Variants in AGAP1 observed in about 807,000 individuals in gnomAD.
The protein encoded by AGAP1 is arf-GAP with GTPase, ANK repeat and PH domain-containing protein 1.
AGAP1 carries 29 observed loss-of-function variants against 105.3 expected under a neutral mutation model. The ratio of observed to expected loss-of-function variants is 0.28; its 90% CI spans 0.21 to 0.38. The LOEUF (loss-of-function observed/expected upper bound fraction) is 0.38, where lower values mean the gene tolerates loss of function less well. Among genes scored for constraint, AGAP1 ranks in the 10% least tolerant of loss-of-function variants. The probability of loss-of-function intolerance (pLI) is 1.00; values close to 1 mark genes in which losing one functional copy is unlikely to be tolerated. For missense variants in AGAP1, 998 were observed against 1,165.1 expected, an observed-to-expected ratio of 0.86 and a Z score of 2.09; for synonymous variants, 509 against 485.9, an observed-to-expected ratio of 1.05 and a Z score of -0.63.
intron 1 of AGAP1, among the ~76,000 whole-genome samples, chr2:235,528,318 C>T (rs1306349098): frequency 2.0e-5 from 3 of 151,966 alleles, no homozygotes; most frequent in Admixed American, 6.6e-5. Context: ...CCAGCAAGCC[C>T]GGCTCCATCC....
intron 16 of AGAP1, among the ~76,000 whole-genome samples, chr2:236,066,223 T>C (rs2058341470): frequency 6.6e-6 from 1 of 152,190 alleles, no homozygotes; most frequent in Non-Finnish European, 1.5e-5. Context: ...TTTTGTTTTT[T>C]ATTGTTTTTG....
At chr2:235,869,638 A>G (rs2049345638) in intron 9 of AGAP1, among the ~76,000 whole-genome samples, 1 of 152,152 alleles carries the variant, frequency 6.6e-6, no homozygotes. Flanking sequence ...ATTGTTTATC[A>G]TGATTCTGTG....
At chr2:235,840,768 G>GTTT (rs11373301) in intron 9 of AGAP1, among the ~76,000 whole-genome samples, 12 of 146,644 alleles carry the variant, frequency 8.2e-5, no homozygotes, top group Admixed American at 2.0e-4. Flanking sequence ...AGAAAGAAGA[G>GTTT]TTTTTTTTTT....
rs1445637788 is a variant in AGAP1 at position 235,919,650 on chromosome 2, G to A, written c.1324+10744G>A. On this transcript the variant is annotated intron_variant, in intron 11 of 17. Transcript: ENST00000304032. This position sits in a 1 kb window ranked among gnomAD's most constrained non-coding sequence, Gnocchi z 4.1. Reference sequence around the variant, plus strand: ...GAAGGGGACTGTAAAATTCAGAGATGACCGGGGAACGCTCCCCTCAAAACA... The same window carrying A: ...GAAGGGGACTGTAAAATTCAGAGATAACCGGGGAACGCTCCCCTCAAAACA... Among the ~76,000 whole-genome samples, 1 of 152,160 alleles carries A rather than the reference G, an allele frequency of 6.6e-6. No individual in the cohort carries two copies. The highest frequency in any genetic ancestry group is 1.5e-5 in the Non-Finnish European group (1 of 68,028).
chr2:235,618,648 A>C (rs1946381221), intron 1 of AGAP1, among the ~76,000 whole-genome samples: 1 of 152,246 alleles, frequency 6.6e-6, no homozygotes, highest in Non-Finnish European at 1.5e-5. Context: ...AAAGCTTAAA[A>C]TTACAAGACT....
Position 235,621,895 on chromosome 2 carries a change from G to A in AGAP1, c.164-87284G>A, listed in dbSNP as rs1376118906. On this transcript the variant is annotated intron_variant, in intron 1 of 17. Transcript: ENST00000304032. This position sits in a 1 kb window ranked among gnomAD's most constrained non-coding sequence, Gnocchi z 4.1. The stretch of plus-strand genomic sequence containing the variant: ...AGGGGTGCGATCGGAAGGGAGTGCC[G>A]CGCAGACCCCCCCACCCCCTCAGAA... Among the ~76,000 whole-genome samples, 4 of 128,000 alleles carry A rather than the reference G, an allele frequency of 3.1e-5. No individual in the cohort carries two copies. The highest frequency in any genetic ancestry group is 3.0e-4 in the South Asian group (1 of 3,344). The allele number at this position is 128,000 out of a possible 152,430, so 84.0% of individuals were successfully genotyped here.
intron 1 of AGAP1, among the ~76,000 whole-genome samples, chr2:235,515,738 G>A (rs3795897): frequency 0.16 from 24,886 of 152,232 alleles, 2,306 homozygotes; most frequent in East Asian, 0.27. Context: ...CCTGTAAGAT[G>A]TGCAGATATA....
Position 235,737,812 on chromosome 2 carries a change from C to T in AGAP1, c.311-3151C>T, listed in dbSNP as rs772268536. Among the ~76,000 whole-genome samples, 87 of 152,086 alleles carry T rather than the reference C, an allele frequency of 5.7e-4. 1 individual carries two copies. The highest frequency in any genetic ancestry group is 2.0e-3 in the Admixed American group (31 of 15,268). On this transcript the variant is annotated intron_variant, in intron 3 of 17. Coordinates refer to ENST00000304032, the MANE Select transcript of AGAP1 (RefSeq NM_001037131.3). The surrounding 1 kb of genome is among the most constrained non-coding windows in gnomAD (Gnocchi z 4.5). ...GCCCCTGGGACAGGCTCCACTCCTC[C>T]CTTCTTGCTCTGGAGGTGACACAGT...
chr2:235,515,313 G>A (rs1204068819), intron 1 of AGAP1, among the ~76,000 whole-genome samples: 2 of 152,182 alleles, frequency 1.3e-5, no homozygotes, highest in African/African-American at 4.8e-5. Context: ...TGTATTTAGG[G>A]CACTGCTTGG....
intron 9 of AGAP1, among the ~76,000 whole-genome samples, chr2:235,827,347 G>A (rs1559534638): frequency 1.3e-5 from 2 of 152,156 alleles, no homozygotes; most frequent in Admixed American, 1.3e-4. Flanking sequence ...ACAGGGCACA[G>A]CTCCTGACCC....
chr2:236,035,623 C>A lies in AGAP1; in HGVS notation c.1646-938C>A, dbSNP rs1385328583. On this transcript the variant is annotated intron_variant, in intron 13 of 17. Transcript: ENST00000304032. This position sits in a 1 kb window ranked among gnomAD's most constrained non-coding sequence, Gnocchi z 4.2. ...TGGACAACAAAGTGGGACTCCATCT[C>A]AAAAACAGTTCTTCGTGGTTGTATG... Among the ~76,000 whole-genome samples, 4 of 152,150 alleles carry A rather than the reference C, an allele frequency of 2.6e-5. No individual in the cohort carries two copies. The highest frequency in any genetic ancestry group is 4.4e-5 in the Non-Finnish European group (3 of 68,022).
At chr2:236,057,384 C>T (rs796527073) in intron 16 of AGAP1, among the ~76,000 whole-genome samples, 1 of 152,246 alleles carries the variant, frequency 6.6e-6, no homozygotes, top group African/African-American at 2.4e-5. Flanking sequence ...GCTGGGATTA[C>T]AGGCATGAGC....
intron 13 of AGAP1, among the ~76,000 whole-genome samples, chr2:236,017,773 T>C (rs1158407987): frequency 3.9e-5 from 6 of 152,214 alleles, no homozygotes; most frequent in African/African-American, 7.2e-5. Context: ...TCTTCCGGCC[T>C]CTGGACCACA....
intron 1 of AGAP1, among the ~76,000 whole-genome samples, chr2:235,647,225 A>T (rs545856727): frequency 4.6e-5 from 7 of 152,184 alleles, no homozygotes; most frequent in African/African-American, 1.7e-4. Flanking sequence ...TCTGGTCACA[A>T]CTGCATGCAA....
rs531168124 is a variant in AGAP1 at position 235,728,828 on chromosome 2, C to T, written c.310+11184C>T. 6.6e-5 allele frequency among the ~76,000 whole-genome samples: 10 copies of T among 152,158 alleles called. No homozygotes were observed. The South Asian group carries it at 2.1e-3, about 32-fold the overall frequency. Reference sequence around the variant, plus strand: ...AGGGGAAGCCAGCCTGCAGCATTGCCCTCTAGACACTAAGAAGAAGGGAGT... The same window carrying T: ...AGGGGAAGCCAGCCTGCAGCATTGCTCTCTAGACACTAAGAAGAAGGGAGT... On this transcript the variant is annotated intron_variant, in intron 3 of 17. Coordinates refer to ENST00000304032, the MANE Select transcript of AGAP1 (RefSeq NM_001037131.3). The surrounding 1 kb of genome is among the most constrained non-coding windows in gnomAD (Gnocchi z 4.3).
intron 1 of AGAP1, among the ~76,000 whole-genome samples, chr2:235,544,785 C>CT (rs1427878670): frequency 6.6e-6 from 1 of 152,170 alleles, no homozygotes; most frequent in Non-Finnish European, 1.5e-5. Flanking sequence ...GATGTAAAAT[C>CT]TGTCTTCCTA....
chr2:235,702,493 C>G (rs1010706666), intron 1 of AGAP1, among the ~76,000 whole-genome samples: 1 of 152,190 alleles, frequency 6.6e-6, no homozygotes, highest in Non-Finnish European at 1.5e-5. Context: ...TCTGAAAGTT[C>G]TCTTCCTTGA....
At chr2:236,065,329 C>T (rs967722795) in intron 16 of AGAP1, among the ~76,000 whole-genome samples, 3 of 152,174 alleles carry the variant, frequency 2.0e-5, no homozygotes, top group African/African-American at 4.8e-5. Context: ...TCCTCGGGCC[C>T]CTATTGTTGC....
At chr2:235,760,810 G>C (rs1047054058) in intron 6 of AGAP1, among the ~76,000 whole-genome samples, 2 of 152,180 alleles carry the variant, frequency 1.3e-5, no homozygotes, top group Non-Finnish European at 2.9e-5. Flanking sequence ...CCAGTCTCCA[G>C]CTCCTGGTCT....
Sources: allele counts gnomAD v4.1 joint callset (sites outside exome capture counted in the v4.1 genomes callset), GRCh38; gene constraint gnomAD v4.1.1; non-coding constraint Gnocchi (gnomAD v3.1); transcripts MANE v1.5; gene names NCBI Gene and HGNC (gene_info 2026-07-23, HGNC 2026-07-21).